The following SLC25A42 variants were observed in gnomAD, a reference collection of about 807,000 sequenced individuals.
The protein encoded by SLC25A42 is solute carrier family 25 member 42.
In SLC25A42, 19 loss-of-function variants were observed where a neutral mutation model predicts 34.7. The observed-to-expected ratio is 0.55, with a 90% CI of 0.38 to 0.80. SLC25A42 has a LOEUF of 0.80. SLC25A42 is among the 30% of genes least tolerant of loss of function. The pLI is 0.00. For missense variants in SLC25A42, 364 were observed against 441.3 expected, an observed-to-expected ratio of 0.82 and a Z score of 1.57; for synonymous variants, 205 against 191.2, an observed-to-expected ratio of 1.07 and a Z score of -0.59.
chr19:19,095,727 C>T (rs1047395591), intron 1 of SLC25A42, among the ~76,000 whole-genome samples: 6 of 152,124 alleles, frequency 3.9e-5, no homozygotes, highest in African/African-American at 9.7e-5. Context: ...CCGAGCACCT[C>T]GGTGCCCACT....
rs536383504 is a variant in SLC25A42, at chr19:19,089,166, G to A, written c.-34-6925G>A. Among the ~76,000 whole-genome samples, 58 of 152,296 alleles carry A rather than the reference G, an allele frequency of 3.8e-4. No individual in the cohort carries two copies. In the South Asian group the frequency reaches 6.8e-3, roughly 18 times the overall value. ...CTTTCTGTACTTCCTGAAACAAAGC[G>A]TGGTGGCACCCTTTAGAGAGAGCTC... On this transcript the variant is annotated intron_variant, in intron 1 of 7. Transcript: ENST00000318596.
intron 2 of SLC25A42, among the ~76,000 whole-genome samples, chr19:19,097,077 CTGT>C (rs2059769589): frequency 6.6e-6 from 1 of 152,210 alleles, no homozygotes; most frequent in South Asian, 2.1e-4. Context: ...TGGGTCAGCC[CTGT>C]TGTTCACCAT....
chr19:19,110,440 C>A, intron 7 of SLC25A42, 129 bp from the exon 8 acceptor site: 1 of 659,886 alleles, frequency 1.5e-6, no homozygotes, highest in Non-Finnish European at 2.3e-6. Context: ...TGCGAACACA[C>A]GTGGGGGTGC....
At chr19:19,095,220 A>AC (rs533897671) in intron 1 of SLC25A42, among the ~76,000 whole-genome samples, 253 of 150,794 alleles carry the variant, frequency 1.7e-3, no homozygotes, top group Non-Finnish European at 2.7e-3. Flanking sequence ...AAAAACAAAA[A>AC]AAAACACCCT....
rs117433660 is a variant in SLC25A42 at position 19,110,074 on chromosome 19, C to G, written c.650-495C>G. Among the ~76,000 whole-genome samples, 9 of 152,196 alleles carry G rather than the reference C, an allele frequency of 5.9e-5. No homozygotes were observed. The East Asian group carries it at 1.5e-3, about 26-fold the overall frequency. On this transcript the variant is annotated intron_variant, in intron 7 of 7. Transcript: ENST00000318596. ...AGAAATTTTATTTCTCGGCCGGGCTCGGTGGCTCATGTCTGTAATCCCAGC... is the reference window on the plus strand; with the variant it reads ...AGAAATTTTATTTCTCGGCCGGGCTGGGTGGCTCATGTCTGTAATCCCAGC...
intron 1 of SLC25A42, among the ~76,000 whole-genome samples, chr19:19,065,621 T>G (rs940897578): frequency 6.6e-6 from 1 of 152,208 alleles, no homozygotes; most frequent in African/African-American, 2.4e-5. Flanking sequence ...TCATGTCACC[T>G]TCAGCTTCTC....
chr19:19,068,348 C>G (rs1459526942), intron 1 of SLC25A42, among the ~76,000 whole-genome samples: 1 of 135,038 alleles, frequency 7.4e-6, no homozygotes, highest in Non-Finnish European at 1.6e-5. Flanking sequence ...GAGCGAGACT[C>G]TGTCTCAAAA....
intron 2 of SLC25A42, among the ~76,000 whole-genome samples, chr19:19,097,750 G>A (rs1456423272): frequency 6.6e-6 from 1 of 152,018 alleles, no homozygotes; most frequent in Non-Finnish European, 1.5e-5. Context: ...ATTGCTTGAG[G>A]TCAGGAGTTC....
intron 1 of SLC25A42, 196 bp from the exon 2 acceptor site, chr19:19,095,895 G>C (rs2059762053): frequency 1.6e-6 from 1 of 643,766 alleles, no homozygotes; most frequent in Non-Finnish European, 2.9e-6. Context: ...CTGTTTGTGA[G>C]GATTACATTC....
At chr19:19,106,745 C>T (rs1267113478) in intron 6 of SLC25A42, 1 of 154,764 alleles carries the variant, frequency 6.5e-6, no homozygotes, top group Non-Finnish European at 1.4e-5. Context: ...CCAGCTTGGG[C>T]AACATGGTGA....
Position 19,106,278 on chromosome 19 carries a change from C to T in SLC25A42, c.390C>T (p.Pro130=), listed in dbSNP as rs1376903782. ...CTCCTGCCCTGTTCAGAGCCCTGCC[C>T]CCTTGGCCTCGCCTCTTCGCCGGCG... ...SYYGFRGEAL[P]PWPRLFAGAL... is the part of the protein sequence containing the mutation. The change falls in exon 6 of 8, where the codon CCC becomes CCT. Residue 130 remains proline, a synonymous_variant. Transcript: ENST00000318596. The T allele has an allele frequency of 1.9e-6, 3 of 1,611,852 alleles. No homozygotes were observed. The highest frequency in any genetic ancestry group is 1.7e-5 in the Admixed American group (1 of 60,008).
intron 1 of SLC25A42, among the ~76,000 whole-genome samples, chr19:19,075,749 T>C (rs2059652623): frequency 6.6e-6 from 1 of 152,238 alleles, no homozygotes; most frequent in East Asian, 1.9e-4. Context: ...CGTGTGCTTT[T>C]GGCACCACTG....
Position 19,077,452 on chromosome 19 carries a change from C to T in SLC25A42, c.-35+13337C>T, listed in dbSNP as rs114840838. Among the ~76,000 whole-genome samples the T allele has an allele frequency of 2.8e-3, 424 of 152,318 alleles. 3 individuals are homozygous for T. Among genetic ancestry groups the T allele is most frequent in the African/African-American group, 9.0e-3 (376 of 41,562 alleles). ...TCTAGGGACCTCATATAAGTGGATT[C>T]GTATGGTATTTGTCCTTTTGTGACT... On this transcript the variant is annotated intron_variant, in intron 1 of 7. Transcript: ENST00000318596.
chr19:19,090,482 T>C (rs115252742), intron 1 of SLC25A42, among the ~76,000 whole-genome samples: 1,570 of 152,238 alleles, frequency 0.01, 30 homozygotes, highest in African/African-American at 0.036. Context: ...CATATGTTTA[T>C]GTTAGGTTTG....
At chr19:19,076,435 A>C (rs140825147) in intron 1 of SLC25A42, among the ~76,000 whole-genome samples, 2,927 of 152,186 alleles carry the variant, frequency 0.019, 88 homozygotes, top group African/African-American at 0.067. Context: ...ATGCCACTGC[A>C]CTCCAGCCTG....
In SLC25A42 at chr19:19,108,372, G is replaced by A. The variant is rs138687922; in HGVS notation, c.649+327G>A. Reference sequence around the variant, plus strand: ...TGCAGACCAGCCTGGGCAACATGGCGAAACCCCGTCTCTACCAAAGATACA... The same window carrying A: ...TGCAGACCAGCCTGGGCAACATGGCAAAACCCCGTCTCTACCAAAGATACA... On this transcript the variant is annotated intron_variant, in intron 7 of 7. Transcript: ENST00000318596. Among the ~76,000 whole-genome samples the A allele has an allele frequency of 2.9e-3, 443 of 152,246 alleles. 3 individuals are homozygous for A. The highest frequency in any genetic ancestry group is 0.01 in the African/African-American group (434 of 41,540).
intron 1 of SLC25A42, among the ~76,000 whole-genome samples, chr19:19,077,704 A>G (rs961241775): frequency 1.8e-4 from 28 of 152,304 alleles, no homozygotes; most frequent in Non-Finnish European, 1.5e-4. Flanking sequence ...CCTGGCCAAC[A>G]TGGCGAAACC....
chr19:19,082,324 A>G (rs1338067893), intron 1 of SLC25A42, among the ~76,000 whole-genome samples: 1 of 152,156 alleles, frequency 6.6e-6, no homozygotes, highest in Non-Finnish European at 1.5e-5. Flanking sequence ...CCAGCAGCGG[A>G]GGGCACTCAC....
chr19:19,110,549 T>G lies in SLC25A42; in HGVS notation c.650-20T>G. 1.4e-6 allele frequency: 2 copies of G among 1,381,666 alleles called. No individual in the cohort carries two copies. Among genetic ancestry groups the G allele is most frequent in the Non-Finnish European group, 1.9e-6 (2 of 1,075,598 alleles). 85.6% of individuals were successfully genotyped at this position (1,381,666 alleles called of 1,614,324 possible). Reference sequence around the variant, plus strand: ...CCCCCTCGCGGCGCCTTCACGGCCCTCCCGCCCCTCGCCCTGCAGAGTACA... The same window carrying G: ...CCCCCTCGCGGCGCCTTCACGGCCCGCCCGCCCCTCGCCCTGCAGAGTACA... On this transcript the variant is annotated intron_variant, in intron 7 of 7. Transcript: ENST00000318596.
Sources: allele counts gnomAD v4.1 joint callset (sites outside exome capture counted in the v4.1 genomes callset), GRCh38; gene constraint gnomAD v4.1.1; transcripts MANE v1.5; gene names NCBI Gene and HGNC (gene_info 2026-07-23, HGNC 2026-07-21).